Variants in CHST9 observed in about 807,000 individuals in gnomAD.
CHST9 encodes GalNAc-4-sulfotransferase 2.
In CHST9, 41 loss-of-function variants were observed where a neutral mutation model predicts 44.4. The observed-to-expected ratio is 0.92, with a 90% confidence interval of 0.72 to 1.20. CHST9 has a LOEUF of 1.20. CHST9 is among the 50% of genes most tolerant of loss of function. The pLI is 0.00. For synonymous variants in CHST9, 171 were observed against 178.4 expected (o/e 0.96, Z 0.33); for missense variants, 504 against 516.5 (o/e 0.98, Z 0.23).
intron 2 of CHST9, among the ~76,000 whole-genome samples, chr18:27,117,053 T>C (rs2058328989): frequency 6.6e-6 from 1 of 152,126 alleles, no homozygotes; most frequent in South Asian, 2.1e-4. Flanking sequence ...TACTGGACTT[T>C]ACTTTTTAAC....
chr18:27,084,261 A>G (rs1327977430), intron 2 of CHST9, among the ~76,000 whole-genome samples: 1 of 152,008 alleles, frequency 6.6e-6, no homozygotes, highest in Non-Finnish European at 1.5e-5. Context: ...TTTGGCTATG[A>G]ATCCACCTGG....
At chr18:27,083,229 G>A (rs576013658) in intron 2 of CHST9, among the ~76,000 whole-genome samples, 24 of 152,176 alleles carry the variant, frequency 1.6e-4, no homozygotes, top group African/African-American at 1.7e-4. Context: ...GCAATGCAGC[G>A]TTCTTTCTAA....
At chr18:26,979,128 C>T (rs1881041924) in intron 4 of CHST9, among the ~76,000 whole-genome samples, 2 of 152,078 alleles carry the variant, frequency 1.3e-5, no homozygotes. Flanking sequence ...TATGCCCATC[C>T]TATTTTGTTG....
In CHST9 at chr18:26,915,676, T is replaced by C. The variant is rs1482005112; in HGVS notation, c.*583A>G. Reference sequence around the variant, plus strand: ...TGTGCATTTTTTATTGGCTGTTGAATATAAAAAGCCACAGCCTCATCTGGT... The same window carrying C: ...TGTGCATTTTTTATTGGCTGTTGAACATAAAAAGCCACAGCCTCATCTGGT... On this transcript the variant is annotated 3_prime_UTR_variant, in exon 6 of 6. Coordinates refer to ENST00000618847, the MANE Select transcript of CHST9 (RefSeq NM_031422.6). The C allele has an allele frequency of 1.3e-5, 2 of 152,180 alleles. No individual in the cohort carries two copies. The highest frequency in any genetic ancestry group is 1.5e-5 in the Non-Finnish European group (1 of 68,024). The allele number at this position is 152,180 out of a possible 1,614,324, so 9.4% of individuals were successfully genotyped here.
intron 2 of CHST9, among the ~76,000 whole-genome samples, chr18:27,066,378 A>C (rs2057782476): frequency 6.6e-6 from 1 of 152,216 alleles, no homozygotes; most frequent in South Asian, 2.1e-4. Context: ...TATAAAAGTT[A>C]AAAGAAATGC....
chr18:26,952,189 C>T, intron 4 of CHST9: 1 of 524,540 alleles, frequency 1.9e-6, no homozygotes, highest in Admixed American at 1.9e-5. Flanking sequence ...TGGACTTCAC[C>T]TCCCAAAAGC....
chr18:26,953,217 C>T (rs968081690), intron 4 of CHST9, among the ~76,000 whole-genome samples: 52 of 152,174 alleles, frequency 3.4e-4, no homozygotes, highest in African/African-American at 1.1e-3. Flanking sequence ...AGAGATAGGA[C>T]CTGTCTTTGT....
rs1466091191 is a variant in CHST9, at chr18:26,916,034, C to G, written c.*225G>C. The G allele has an allele frequency of 2.5e-6, 1 of 401,638 alleles. No individual in the cohort carries two copies. Among genetic ancestry groups the G allele is most frequent in the African/African-American group, 2.1e-5 (1 of 48,280 alleles). The allele number at this position is 401,638 out of a possible 1,614,324, so 24.9% of individuals were successfully genotyped here. On this transcript the variant is annotated 3_prime_UTR_variant, in exon 6 of 6. Coordinates refer to ENST00000618847, the MANE Select transcript of CHST9 (RefSeq NM_031422.6). ...TATAATTCATAATGCAAAAGCAGCT[C>G]TTTTCCAAACATTTTAGAGCAACTC... is the stretch of plus-strand genomic sequence containing the variant.
intron 4 of CHST9, among the ~76,000 whole-genome samples, chr18:26,946,191 T>C (rs1175782309): frequency 2.0e-5 from 3 of 152,172 alleles, no homozygotes; most frequent in African/African-American, 7.2e-5. Flanking sequence ...AGAGACAACA[T>C]GGCTTGTGGG....
chr18:27,078,418 A>G (rs763800051), intron 2 of CHST9, among the ~76,000 whole-genome samples: 1 of 152,206 alleles, frequency 6.6e-6, no homozygotes, highest in Non-Finnish European at 1.5e-5. Context: ...CAAACACTGA[A>G]TTAATGAATA....
chr18:26,921,078 A>G (rs1307002344), intron 5 of CHST9, among the ~76,000 whole-genome samples: 1 of 152,230 alleles, frequency 6.6e-6, no homozygotes, highest in Admixed American at 6.5e-5. Flanking sequence ...AAGAAAGGAA[A>G]GTATAAAAAA....
At chr18:27,014,290 G>T (rs973456284) in intron 4 of CHST9, among the ~76,000 whole-genome samples, 2 of 151,422 alleles carry the variant, frequency 1.3e-5, no homozygotes, top group Admixed American at 1.3e-4. Context: ...TTAGCCTCAG[G>T]AGGTATGAAA....
chr18:26,935,060 G>A (rs755106597), intron 5 of CHST9: 10 of 152,160 alleles, frequency 6.6e-5, no homozygotes, highest in Non-Finnish European at 1.3e-4. Context: ...TGTGGAAATT[G>A]CTTATTGATT....
chr18:27,142,020 G>A (rs750589752), intron 2 of CHST9, among the ~76,000 whole-genome samples: 29 of 152,324 alleles, frequency 1.9e-4, no homozygotes, highest in South Asian at 4.1e-4. Flanking sequence ...AGTACAAGAT[G>A]AGCACAGCAG....
intron 4 of CHST9, among the ~76,000 whole-genome samples, chr18:26,963,374 T>C (rs2056424737): frequency 2.0e-5 from 3 of 152,298 alleles, no homozygotes; most frequent in South Asian, 4.1e-4. Context: ...CTAAACTCTG[T>C]GTCCTGGTAA....
chr18:27,128,313 A>G (rs1486642215), intron 2 of CHST9, among the ~76,000 whole-genome samples: 1 of 152,182 alleles, frequency 6.6e-6, no homozygotes, highest in Non-Finnish European at 1.5e-5. Flanking sequence ...TCTGTCGCCC[A>G]GGCTGGACTG....
At chr18:27,148,047 G>A (rs1293145755) in intron 1 of CHST9, among the ~76,000 whole-genome samples, 1 of 151,830 alleles carries the variant, frequency 6.6e-6, no homozygotes, top group African/African-American at 2.4e-5. Context: ...TCCAGTGTCT[G>A]CTGTTCTCCT....
At chr18:27,172,069 T>C (rs2058837619) in intron 1 of CHST9, among the ~76,000 whole-genome samples, 1 of 152,136 alleles carries the variant, frequency 6.6e-6, no homozygotes, top group African/African-American at 2.4e-5. Context: ...GGCACAGTCT[T>C]TTACACGGAT....
chr18:27,170,669 G>A (rs563555482), intron 1 of CHST9, among the ~76,000 whole-genome samples: 1 of 152,110 alleles, frequency 6.6e-6, no homozygotes, highest in South Asian at 2.1e-4. Flanking sequence ...TTCTGCTATT[G>A]ATGAAGTAAA....
Sources: allele counts gnomAD v4.1 joint callset (sites outside exome capture counted in the v4.1 genomes callset), GRCh38; gene constraint gnomAD v4.1.1; transcripts MANE v1.5; gene names NCBI Gene and HGNC (gene_info 2026-07-23, HGNC 2026-07-21).